NUP43: variants seen among roughly 807,000 people sequenced by gnomAD.
NUP43 encodes the protein nucleoporin Nup43.
A neutral mutation model predicts 47.3 loss-of-function variants in NUP43; 32 were observed. That is an observed-to-expected ratio of 0.68 (90% CI 0.51 to 0.91). NUP43 has a LOEUF of 0.91. NUP43 is among the 40% of genes least tolerant of loss of function. NUP43 has a pLI of 0.00. For missense variants in NUP43, 444 were observed against 453.9 expected (o/e 0.98, Z 0.20); for synonymous variants, 147 against 158.4 (o/e 0.93, Z 0.54).
chr6:149,737,523 CA>C (rs1407346316), intron 5 of NUP43, among the ~76,000 whole-genome samples: 3 of 152,090 alleles, frequency 2.0e-5, no homozygotes, highest in Non-Finnish European at 2.9e-5. Flanking sequence ...ATAATCCTTC[CA>C]AAATGTTGGG....
chr6:149,737,555 T>C (rs1269554270), intron 5 of NUP43, among the ~76,000 whole-genome samples: 1 of 152,174 alleles, frequency 6.6e-6, no homozygotes, highest in African/African-American at 2.4e-5. Context: ...TGAGTCACCA[T>C]GCTCAGCCAA....
chr6:149,742,290 T>G (rs1362110139), intron 4 of NUP43, 100 bp downstream of exon 4: 2 of 1,070,766 alleles, frequency 1.9e-6, no homozygotes, highest in Non-Finnish European at 2.8e-6. Context: ...CCTCCCAAAG[T>G]GCTGCAATTG....
intron 6 of NUP43, among the ~76,000 whole-genome samples, chr6:149,733,157 G>A (rs190528113): frequency 2.0e-5 from 3 of 151,938 alleles, no homozygotes; most frequent in Non-Finnish European, 2.9e-5. Flanking sequence ...AACTGAGAAA[G>A]ATCCTAATGA....
intron 6 of NUP43, among the ~76,000 whole-genome samples, chr6:149,735,618 A>AAC (rs1554246071): frequency 6.6e-6 from 1 of 150,620 alleles, no homozygotes; most frequent in Admixed American, 6.6e-5. Flanking sequence ...AAAAAAAAAA[A>AAC]AACACACACA....
chr6:149,727,800 A>G (rs1044647112), intron 7 of NUP43: 2 of 984,330 alleles, frequency 2.0e-6, no homozygotes, highest in Non-Finnish European at 2.4e-6. Flanking sequence ...AGCGCACTGT[A>G]CTTACTATAG....
chr6:149,746,755 C>T, upstream of NUP43: 3 of 1,291,084 alleles, frequency 2.3e-6, no homozygotes, highest in Non-Finnish European at 3.1e-6. Context: ...TCTGCAATGT[C>T]AGTATTTTCT....
At chr6:149,737,683 C>T (rs577744619) in intron 5 of NUP43, among the ~76,000 whole-genome samples, 6 of 152,092 alleles carry the variant, frequency 3.9e-5, no homozygotes, top group South Asian at 4.2e-4. Context: ...TGCAATGGCA[C>T]GATCTTAGCT....
At chr6:149,742,673 G>A (rs996247496) in intron 3 of NUP43, 103 bp from the exon 4 acceptor site, 8 of 785,018 alleles carry the variant, frequency 1.0e-5, no homozygotes, top group Non-Finnish European at 1.6e-5. Flanking sequence ...CCTTCTACAA[G>A]AATAAATCTC....
At position 149,731,418 on chromosome 6, in the gene NUP43, C is replaced by T. The variant is rs547174835; in HGVS notation, c.913+195G>A. ...CCACTAAAAATACAAAAAAATTAGC[C>T]GGGCACGGTGGTGCATGACTAGTAG... On this transcript the variant is annotated intron_variant, in intron 7 of 7. Transcript: ENST00000340413. 11 of 366,634 alleles carry T rather than the reference C, an allele frequency of 3.0e-5. No individual in the cohort carries two copies. The East Asian group carries it at 3.1e-4, about 10-fold the overall frequency. The allele number at this position is 366,634 out of a possible 1,614,324, so 22.7% of individuals were successfully genotyped here.
At chr6:149,739,746 C>T (rs1038219389) in intron 4 of NUP43, among the ~76,000 whole-genome samples, 5 of 151,906 alleles carry the variant, frequency 3.3e-5, no homozygotes, top group Non-Finnish European at 5.9e-5. Context: ...TTGAGCCAAA[C>T]TCCAGTGCTT....
In NUP43 at chr6:149,727,125, G is replaced by T. The variant is rs1042084741; in HGVS notation, c.987C>A (p.Ser329=). 4.3e-6 allele frequency: 7 copies of T among 1,614,142 alleles called. No individual in the cohort carries two copies. The highest frequency in any genetic ancestry group is 5.1e-6 in the Non-Finnish European group (6 of 1,180,020). ...QANVHQSVIS[S]WLSTDPAKDR... Reference sequence around the variant, plus strand: ...CTTTTGCAGGATCAGTGCTGAGCCAGGAGCTAATGACAGACTGGTGAACAT... The same window carrying T: ...CTTTTGCAGGATCAGTGCTGAGCCATGAGCTAATGACAGACTGGTGAACAT... Residue 329 remains serine, a synonymous_variant, in exon 8 of 8, where the codon TCC becomes TCA. Transcript: ENST00000340413.
intron 4 of NUP43, among the ~76,000 whole-genome samples, chr6:149,740,917 T>G (rs1785618755): frequency 6.6e-6 from 1 of 152,188 alleles, no homozygotes; most frequent in Non-Finnish European, 1.5e-5. Context: ...ATACTTTTTG[T>G]CATTCTCTGA....
In NUP43 at chr6:149,746,521, G is replaced by A. The variant is rs771591032; in HGVS notation, c.-26C>T. ...GCCGAAAGCGGCCGCAGCAGGTACT[G>A]CAAAAAGCAAGCACAGTACGCGCCT... On this transcript the variant is annotated 5_prime_UTR_variant, in exon 1 of 8. Coordinates refer to ENST00000340413, the MANE Select transcript of NUP43 (RefSeq NM_198887.3). 1.9e-6 allele frequency: 3 copies of A among 1,613,932 alleles called. No individual in the cohort carries two copies. Among genetic ancestry groups the A allele is most frequent in the African/African-American group, 2.7e-5 (2 of 74,916 alleles).
intron 4 of NUP43, among the ~76,000 whole-genome samples, chr6:149,740,653 C>T (rs1169832169): frequency 6.6e-6 from 1 of 151,938 alleles, no homozygotes; most frequent in Non-Finnish European, 1.5e-5. Context: ...AAAACACACA[C>T]ATACAAAATG....
chr6:149,739,957 T>C (rs911096963), intron 4 of NUP43, among the ~76,000 whole-genome samples: 1 of 152,190 alleles, frequency 6.6e-6, no homozygotes. Context: ...GCCACTCCTC[T>C]ACACTGCCAC....
In NUP43 at chr6:149,736,659, A is replaced by G. The variant is rs1018811668; in HGVS notation, c.639-37T>C. The G allele has an allele frequency of 5.2e-6, 8 of 1,527,180 alleles. No homozygotes were observed. The East Asian group carries it at 1.8e-4, about 35-fold the overall frequency. The allele number at this position is 1,527,180 out of a possible 1,614,324, so 94.6% of individuals were successfully genotyped here. A position where few individuals can be genotyped will look rare whatever the true frequency, so the allele number is the denominator to read the frequency against. On this transcript the variant is annotated intron_variant, in intron 5 of 7. Coordinates refer to ENST00000340413, the MANE Select transcript of NUP43 (RefSeq NM_198887.3). ...GATAACAATGACGTCAAAATCAAAT[A>G]AAGTATAATTTATCTTTGTGTAACA...
chr6:149,746,188 C>G, intron 1 of NUP43, 126 bp from the exon 2 acceptor site: 3 of 1,328,698 alleles, frequency 2.3e-6, no homozygotes, highest in Non-Finnish European at 2.1e-6. Flanking sequence ...TAAAACACAA[C>G]GAGATACGAG....
At chr6:149,728,380 T>TA (rs1277003385) in intron 7 of NUP43, 1 of 983,962 alleles carries the variant, frequency 1.0e-6, no homozygotes, top group Non-Finnish European at 1.2e-6. Flanking sequence ...AGTACATACT[T>TA]AGTTAATCCT....
intron 2 of NUP43, among the ~76,000 whole-genome samples, chr6:149,744,044 T>C (rs901567732): frequency 6.7e-6 from 1 of 150,346 alleles, no homozygotes; most frequent in African/African-American, 2.5e-5. Context: ...GAGGCCTAGG[T>C]GGACGGATCA....
Sources: gnomAD v4.1 joint callset for allele counts (sites outside exome capture counted in the v4.1 genomes callset) on GRCh38, gnomAD v4.1.1 for gene constraint, MANE v1.5 for transcripts, NCBI Gene and HGNC (gene_info 2026-07-23, HGNC 2026-07-21) for gene names.